Variants in SV2C observed in about 807,000 individuals in gnomAD.
The protein encoded by SV2C is synaptic vesicle glycoprotein 2C.
A neutral mutation model predicts 79.7 loss-of-function variants in SV2C; 49 were observed. The ratio of observed to expected loss-of-function variants is 0.61; its 90% CI spans 0.49 to 0.78. The LOEUF (loss-of-function observed/expected upper bound fraction) is 0.78. Ranked by LOEUF, SV2C falls within the 30% of genes least tolerant of loss-of-function variation. SV2C has a pLI of 0.00. For missense variants in SV2C, 833 were observed against 912.9 expected (o/e 0.91, Z 1.13); for synonymous variants, 334 against 333.2 (o/e 1.00, Z -0.03).
At chr5:76,301,254 T>G in intron 11 of SV2C, 132 bp from the exon 12 acceptor site, 360 of 1,219,324 alleles carry the variant, frequency 3.0e-4, no homozygotes, top group Non-Finnish European at 3.8e-4. Flanking sequence ...CACCAGTTCT[T>G]GAGCTTTATG....
the SV2C span, among the ~76,000 whole-genome samples, chr5:75,996,253 A>G: frequency 1.3e-5 from 2 of 152,118 alleles, no homozygotes; most frequent in African/African-American, 4.8e-5. Context: ...TCCTTTCCCC[A>G]TTGCTTGTTT....
chr5:76,209,125 T>C (rs1019213182), intron 3 of SV2C, among the ~76,000 whole-genome samples: 3 of 152,212 alleles, frequency 2.0e-5, no homozygotes, highest in African/African-American at 7.2e-5. Context: ...CAAGTGTCCC[T>C]TTCATGTTTA....
the SV2C span, among the ~76,000 whole-genome samples, chr5:75,866,556 C>G: frequency 1.3e-5 from 2 of 152,200 alleles, no homozygotes; most frequent in African/African-American, 4.8e-5. Context: ...ACCCTGCCAA[C>G]TTTCTAGCAT....
intron 2 of SV2C, among the ~76,000 whole-genome samples, chr5:76,141,215 T>C (rs1406952126): frequency 1.3e-5 from 2 of 152,146 alleles, no homozygotes; most frequent in Non-Finnish European, 2.9e-5. Flanking sequence ...TTCCTGAAAC[T>C]TGCCAATAAG....
At chr5:76,012,407 C>A in the SV2C span, among the ~76,000 whole-genome samples, 2 of 152,154 alleles carry the variant, frequency 1.3e-5, no homozygotes, top group African/African-American at 4.8e-5. Flanking sequence ...CAAATGTCTT[C>A]TTTTGAGAAG....
chr5:75,965,089 A>C, the SV2C span, among the ~76,000 whole-genome samples: 1 of 152,156 alleles, frequency 6.6e-6, no homozygotes, highest in African/African-American at 2.4e-5. Context: ...TTATGTAAAG[A>C]TCATGAACTT....
intron 2 of SV2C, among the ~76,000 whole-genome samples, chr5:76,184,863 G>A (rs1339876106): frequency 6.6e-6 from 1 of 152,162 alleles, no homozygotes; most frequent in Non-Finnish European, 1.5e-5. Context: ...ACACAATCAT[G>A]CCCTTCCAAC....
Position 76,326,059 on chromosome 5 carries a change from C to A in SV2C, c.*512C>A, listed in dbSNP as rs1353040293. ...AGTAATTCTCACTGTTATAGCAGAG[C>A]CTTTCAAAGAAAACCATGTGGCACC... is the stretch of plus-strand genomic sequence containing the variant. On this transcript the variant is annotated 3_prime_UTR_variant, in exon 13 of 13. Coordinates refer to ENST00000502798, the MANE Select transcript of SV2C (RefSeq NM_014979.4). The A allele has an allele frequency of 6.6e-6, 1 of 152,032 alleles. No homozygotes were observed. The highest frequency in any genetic ancestry group is 2.4e-5 in the African/African-American group (1 of 41,210). 9.4% of individuals were successfully genotyped at this position (152,032 alleles called of 1,614,324 possible). A position where few individuals can be genotyped will look rare whatever the true frequency, so the allele number is the denominator to read the frequency against.
chr5:75,951,619 T>C, the SV2C span, among the ~76,000 whole-genome samples: 8 of 152,118 alleles, frequency 5.3e-5, no homozygotes, highest in South Asian at 1.7e-3. Flanking sequence ...ACTGTATCAA[T>C]CTAGGGATTT....
chr5:76,291,116 C>A, intron 6 of SV2C, 105 bp from the exon 7 acceptor site: 3 of 667,386 alleles, frequency 4.5e-6, no homozygotes, highest in Non-Finnish European at 5.1e-6. Flanking sequence ...ATACCGCCTA[C>A]TTCTTGCCGG....
rs370464528 is a variant in SV2C, at chr5:76,140,546, C to G, written c.580+8216C>G. ...TAGTTTCATAGACTCTTATTTTCCA[C>G]TAGACTGCAGGTGGAGTATAGTGAC... On this transcript the variant is annotated intron_variant, in intron 2 of 12. Coordinates refer to ENST00000502798, the MANE Select transcript of SV2C (RefSeq NM_014979.4). Among the ~76,000 whole-genome samples the G allele has an allele frequency of 7.2e-5, 11 of 152,138 alleles. No individual in the cohort carries two copies. The East Asian group carries it at 1.3e-3, about 19-fold the overall frequency.
At chr5:76,322,109 T>C (rs34839931) in intron 12 of SV2C, among the ~76,000 whole-genome samples, 4,935 of 152,266 alleles carry the variant, frequency 0.032, 115 homozygotes, top group Middle Eastern at 0.082. Flanking sequence ...CTGAGAAAAT[T>C]CCGTGGGCTC....
chr5:76,255,355 A>G (rs1746232635), intron 4 of SV2C, among the ~76,000 whole-genome samples: 1 of 152,168 alleles, frequency 6.6e-6, no homozygotes, highest in African/African-American at 2.4e-5. Flanking sequence ...TGGTTTGGAG[A>G]CAGGATCAGC....
chr5:76,128,108 C>T (rs762368089), intron 1 of SV2C, among the ~76,000 whole-genome samples: 3 of 152,098 alleles, frequency 2.0e-5, no homozygotes, highest in Non-Finnish European at 4.4e-5. Flanking sequence ...ACCCTTATTT[C>T]GTGGAGAAGG....
the SV2C span, among the ~76,000 whole-genome samples, chr5:76,026,758 A>G: frequency 6.6e-6 from 1 of 152,230 alleles, no homozygotes; most frequent in Non-Finnish European, 1.5e-5. Context: ...TAAAGAGAAC[A>G]AATAAAGATG....
intron 2 of SV2C, among the ~76,000 whole-genome samples, chr5:76,190,313 C>T (rs1036400920): frequency 1.3e-5 from 2 of 152,128 alleles, no homozygotes; most frequent in Non-Finnish European, 2.9e-5. Context: ...AATTTAGAGC[C>T]AAGGTCCAGG....
the SV2C span, among the ~76,000 whole-genome samples, chr5:75,942,323 G>T: frequency 2.6e-5 from 4 of 152,130 alleles, no homozygotes; most frequent in Non-Finnish European, 5.9e-5. Flanking sequence ...AAAATTAATT[G>T]AACTCAAAGA....
chr5:75,896,724 C>A, the SV2C span, among the ~76,000 whole-genome samples: 5 of 150,312 alleles, frequency 3.3e-5, no homozygotes, highest in Non-Finnish European at 5.9e-5. Context: ...TCCTCTCCAG[C>A]ACCTGTTGTT....
At position 76,301,575 on chromosome 5, in the gene SV2C, C is replaced by G. The variant is rs984863339; in HGVS notation, c.2000+30C>G. 10 of 1,598,022 alleles carry G rather than the reference C, an allele frequency of 6.3e-6. No homozygotes were observed. The Admixed American group carries it at 1.7e-4, about 27-fold the overall frequency. ...GTTGAAATGGGCCTCTAGTAAGAGGCACTCTAAGCCCTGTGAGACCACTGA... is the reference window on the plus strand; with the variant it reads ...GTTGAAATGGGCCTCTAGTAAGAGGGACTCTAAGCCCTGTGAGACCACTGA... On this transcript the variant is annotated intron_variant, in intron 12 of 12. Transcript: ENST00000502798.
Sources: allele counts gnomAD v4.1 joint callset (sites outside exome capture counted in the v4.1 genomes callset), GRCh38; gene constraint gnomAD v4.1.1; transcripts MANE v1.5; gene names NCBI Gene and HGNC (gene_info 2026-07-23, HGNC 2026-07-21).